Variants in ADGRB2 observed in about 807,000 individuals in gnomAD.
The protein encoded by ADGRB2 is brain-specific angiogenesis inhibitor 2.
In ADGRB2, 47 loss-of-function variants were observed where a neutral mutation model predicts 178.7. That is an observed-to-expected ratio of 0.26 (90% CI 0.21 to 0.34). The LOEUF (loss-of-function observed/expected upper bound fraction) is 0.34. Ranked by LOEUF, ADGRB2 falls within the 10% of genes least tolerant of loss-of-function variation. The pLI is 1.00. For missense variants in ADGRB2, 1,584 were observed against 2,180.8 expected, an observed-to-expected ratio of 0.73 and a Z score of 5.45; for synonymous variants, 870 against 912.4, an observed-to-expected ratio of 0.95 and a Z score of 0.84.
chr1:31,757,934 C>T (rs1301840426), intron 1 of ADGRB2, among the ~76,000 whole-genome samples: 4 of 152,266 alleles, frequency 2.6e-5, no homozygotes, highest in African/African-American at 9.6e-5. Context: ...AGGACCCAAG[C>T]CCGACCCATA....
intron 4 of ADGRB2, among the ~76,000 whole-genome samples, chr1:31,746,788 C>T (rs1271490842): frequency 6.6e-6 from 1 of 152,216 alleles, no homozygotes; most frequent in African/African-American, 2.4e-5. Flanking sequence ...CCTCCTCCAG[C>T]CTTCTCAGGA....
Position 31,741,357 on chromosome 1 carries a change from A to T in ADGRB2, c.1794+16T>A. On this transcript the variant is annotated intron_variant, in intron 11 of 32. Transcript: ENST00000373658. The surrounding 1 kb of genome is among the most constrained non-coding windows in gnomAD (Gnocchi z 6.5). ...GACAGATTCTGCTGTGCCCCAGCCC[A>T]GCAGGGTGCACTCACTGACAGATAC... 1 of 1,585,962 alleles carries T rather than the reference A, an allele frequency of 6.3e-7. No homozygotes were observed. Among genetic ancestry groups the T allele is most frequent in the Non-Finnish European group, 8.6e-7 (1 of 1,165,380 alleles).
Position 31,755,192 on chromosome 1 carries a change from G to A in ADGRB2, c.838+807C>T, listed in dbSNP as rs1369192698. Among the ~76,000 whole-genome samples, 5 of 152,174 alleles carry A rather than the reference G, an allele frequency of 3.3e-5. No homozygotes were observed. The highest frequency in any genetic ancestry group is 2.9e-5 in the Non-Finnish European group (2 of 68,028). On this transcript the variant is annotated intron_variant, in intron 4 of 32. Coordinates refer to ENST00000373658, the MANE Select transcript of ADGRB2 (RefSeq NM_001364857.2). This position sits in a 1 kb window ranked among gnomAD's most constrained non-coding sequence, Gnocchi z 5.1. ...AGTCCCCGGCCCAGCACTGTTCAGC[G>A]GGCACACAGGATCCAGCTGAGGCCC...
chr1:31,742,117 TG>T lies in ADGRB2; in HGVS notation c.1352del (p.Pro451GlnfsTer69). The T allele has an allele frequency of 1.2e-6, 2 of 1,613,144 alleles. No individual in the cohort carries two copies. Among genetic ancestry groups the T allele is most frequent in the Non-Finnish European group, 1.7e-6 (2 of 1,179,854 alleles). On this transcript the variant is annotated frameshift_variant, in exon 8 of 33. Coordinates refer to ENST00000373658, the MANE Select transcript of ADGRB2 (RefSeq NM_001364857.2). LOFTEE classifies it high-confidence loss of function. Reference sequence around the variant, plus strand: ...GGGCACCCGTGCATGTGGCCCAGGCTGGGCCCGCCACGCTGCACTTCCGGCT... The same window carrying T: ...GGGCACCCGTGCATGTGGCCCAGGCTGGCCCGCCACGCTGCACTTCCGGCT... ...QRSRKCSVAG[P>X]AWATCTGALT...
chr1:31,759,292 T>A lies in ADGRB2; in HGVS notation c.-190-1781A>T, dbSNP rs1453837165. 2 of 779,476 alleles carry A rather than the reference T, an allele frequency of 2.6e-6. No homozygotes were observed. Among genetic ancestry groups the A allele is most frequent in the African/African-American group, 3.4e-5 (2 of 59,100 alleles). The allele number at this position is 779,476 out of a possible 1,614,324, so 48.3% of individuals were successfully genotyped here. The stretch of plus-strand genomic sequence containing the variant: ...TTACACTTGTACACATGCACAGAGG[T>A]GCACACGCATTCTCGACTGAGAACA... On this transcript the variant is annotated intron_variant, in intron 1 of 32. Transcript: ENST00000373658. The surrounding 1 kb of genome is among the most constrained non-coding windows in gnomAD (Gnocchi z 4.3).
At chr1:31,757,071 G>T (rs971456932) in intron 3 of ADGRB2, 130 bp downstream of exon 3, 20 of 1,484,268 alleles carry the variant, frequency 1.3e-5, no homozygotes, top group South Asian at 1.0e-4. Context: ...GAAAGGACTC[G>T]CGAGAGTGCC....
rs1348969511 is a variant in ADGRB2, at chr1:31,759,911, C to T, written c.-190-2400G>A. On this transcript the variant is annotated intron_variant, in intron 1 of 32. Transcript: ENST00000373658. This position sits in a 1 kb window ranked among gnomAD's most constrained non-coding sequence, Gnocchi z 4.3. ...AACCCCCCTGAGCCTGTTTCCCTCT[C>T]TGTGCAATGCAGACCATGAGCCTTG... Among the ~76,000 whole-genome samples the T allele has an allele frequency of 1.3e-5, 2 of 152,212 alleles. No homozygotes were observed. The highest frequency in any genetic ancestry group is 4.8e-5 in the African/African-American group (2 of 41,452).
Position 31,738,616 on chromosome 1 carries a change from G to T in ADGRB2, c.2616C>A (p.Pro872=), listed in dbSNP as rs746552423. Residue 872 remains proline (P), a synonymous_variant, in exon 17 of 33, where the codon CCC becomes CCA. Coordinates refer to ENST00000373658, the MANE Select transcript of ADGRB2 (RefSeq NM_001364857.2). ...LSYIINGTTD[P]HCASWDYSRA... ...TGGAGTAGTCCCAGCTGGCGCAATG[G>T]GGATCCGTGGTCCCCTGGGGAGCAA... is the stretch of plus-strand genomic sequence containing the variant. The T allele has an allele frequency of 1.1e-5, 18 of 1,611,696 alleles. No homozygotes were observed. The highest frequency in any genetic ancestry group is 1.4e-5 in the Non-Finnish European group (16 of 1,178,972).
intron 1 of ADGRB2, among the ~76,000 whole-genome samples, chr1:31,762,650 C>T (rs1049773951): frequency 1.6e-5 from 2 of 124,430 alleles, no homozygotes; most frequent in African/African-American, 6.0e-5. Context: ...GGCCTGACAA[C>T]CAGGAGTGTT....
rs1570118008 is a variant in ADGRB2 at position 31,763,856 on chromosome 1, AGGTCGGGGTCT to A, written c.-191+17_-191+27del. On this transcript the variant is annotated intron_variant, in intron 1 of 32. Transcript: ENST00000373658. ...CGCCGGCAGGGCTCGGTGCGAGGCC[AGGTCGGGGTCT>A]GGGGCCGAGCACTCACCTGGGCGCC... The A allele has an allele frequency of 3.0e-6, 3 of 984,842 alleles. No individual in the cohort carries two copies. Among genetic ancestry groups the A allele is most frequent in the Non-Finnish European group, 3.6e-6 (3 of 829,736 alleles). 61.0% of individuals were successfully genotyped at this position (984,842 alleles called of 1,614,324 possible). A position where few individuals can be genotyped will look rare whatever the true frequency, so the allele number is the denominator to read the frequency against.
At chr1:31,762,666 A>G (rs1465689806) in intron 1 of ADGRB2, among the ~76,000 whole-genome samples, 1 of 128,766 alleles carries the variant, frequency 7.8e-6, no homozygotes, top group Non-Finnish European at 1.6e-5. Context: ...GTGTTTGGGC[A>G]TGGCTAGCAC....
chr1:31,740,365 G>C lies in ADGRB2; in HGVS notation c.1971C>G (p.Pro657=). Reference sequence around the variant, plus strand: ...GCAGTACCTGCACATCATCAGCCGAGGGCACGTAGGTGGCCCTCTTAAAGG... The same window carrying C: ...GCAGTACCTGCACATCATCAGCCGACGGCACGTAGGTGGCCCTCTTAAAGG... ...TDTFKRATYV[P]SADDVQRFFQ... Residue 657 remains proline, a synonymous_variant, in exon 12 of 33, where the codon CCC becomes CCG. Transcript: ENST00000373658. The surrounding 1 kb of genome is among the most constrained non-coding windows in gnomAD (Gnocchi z 5.9). 6.2e-7 allele frequency: 1 copy of C among 1,612,876 alleles called. No homozygotes were observed. Among genetic ancestry groups the C allele is most frequent in the East Asian group, 2.2e-5 (1 of 44,878 alleles).
At position 31,744,748 on chromosome 1, in the gene ADGRB2, G is replaced by A. The variant is rs753632193; in HGVS notation, c.839-17C>T. The stretch of plus-strand genomic sequence containing the variant: ...GCTCCTCACCTGGAACACGGAGGTG[G>A]TGGCAGGGGCTCAGCAAAGGCCAGC... On this transcript the variant is annotated splice_polypyrimidine_tract_variant and intron_variant, in intron 4 of 32. Transcript: ENST00000373658. This position sits in a 1 kb window ranked among gnomAD's most constrained non-coding sequence, Gnocchi z 6.7. 2.5e-6 allele frequency: 4 copies of A among 1,613,914 alleles called. No homozygotes were observed. The highest frequency in any genetic ancestry group is 2.2e-5 in the South Asian group (2 of 91,068).
At position 31,733,933 on chromosome 1, in the gene ADGRB2, G is replaced by T. The variant is rs537738336; in HGVS notation, c.3453-790C>A. ...AGGCCACCATACCCTCCCGGGCCAGGTGCCACACTCAGCCCACTCTCCTTC... is the reference window on the plus strand; with the variant it reads ...AGGCCACCATACCCTCCCGGGCCAGTTGCCACACTCAGCCCACTCTCCTTC... On this transcript the variant is annotated intron_variant, in intron 25 of 32. Transcript: ENST00000373658. The surrounding 1 kb of genome is among the most constrained non-coding windows in gnomAD (Gnocchi z 4.3). Among the ~76,000 whole-genome samples the T allele has an allele frequency of 1.3e-5, 2 of 152,322 alleles. No homozygotes were observed. Among genetic ancestry groups the T allele is most frequent in the East Asian group, 3.9e-4 (2 of 5,178 alleles).
chr1:31,746,178 C>T (rs946468921), intron 4 of ADGRB2, among the ~76,000 whole-genome samples: 5 of 152,226 alleles, frequency 3.3e-5, no homozygotes, highest in African/African-American at 1.2e-4. Flanking sequence ...CCAGGACTCA[C>T]GTGAGGACCC....
chr1:31,732,622 G>A lies in ADGRB2; in HGVS notation c.3625-10C>T, dbSNP rs1348997572. On this transcript the variant is annotated splice_polypyrimidine_tract_variant and intron_variant, in intron 26 of 32. Coordinates refer to ENST00000373658, the MANE Select transcript of ADGRB2 (RefSeq NM_001364857.2). The stretch of plus-strand genomic sequence containing the variant: ...TCACCACATCCTGGACCTGGGGACA[G>A]AGGGCGCCTGCTGGGCCTGAGGCCA... The A allele has an allele frequency of 6.2e-7, 1 of 1,613,362 alleles. No homozygotes were observed.
intron 25 of ADGRB2, among the ~76,000 whole-genome samples, chr1:31,734,346 G>A (rs1003760016): frequency 1.3e-5 from 2 of 152,236 alleles, no homozygotes; most frequent in African/African-American, 4.8e-5. Context: ...AGCTGGGCAG[G>A]GAGAGGCACA....
chr1:31,746,897 C>A (rs1214290707), intron 4 of ADGRB2, among the ~76,000 whole-genome samples: 1 of 152,202 alleles, frequency 6.6e-6, no homozygotes, highest in Non-Finnish European at 1.5e-5. Flanking sequence ...CTCGGAGAGG[C>A]CCTCCTCTGA....
chr1:31,739,568 G>T lies in ADGRB2; in HGVS notation c.2235C>A (p.Arg745=). 1.2e-6 allele frequency: 2 copies of T among 1,612,060 alleles called. No individual in the cohort carries two copies. The highest frequency in any genetic ancestry group is 8.5e-7 in the Non-Finnish European group (1 of 1,179,352). ...SSDITFPMRG[R]RGMKDWVRHS... ...GCCGCACCCAGTCCTTCATGCCCCGGCGGCCCCGCATGGGGAACGTGATGT... is the reference window on the plus strand; with the variant it reads ...GCCGCACCCAGTCCTTCATGCCCCGTCGGCCCCGCATGGGGAACGTGATGT... The change falls in exon 15 of 33, where the codon CGC becomes CGA. Residue 745 remains arginine (R), a synonymous_variant. Transcript: ENST00000373658.
Sources: gnomAD v4.1 joint callset for allele counts (sites outside exome capture counted in the v4.1 genomes callset) on GRCh38, gnomAD v4.1.1 for gene constraint, Gnocchi (gnomAD v3.1) non-coding constraint, MANE v1.5 for transcripts, NCBI Gene and HGNC (gene_info 2026-07-23, HGNC 2026-07-21) for gene names.